Variants in SH3RF2 observed in about 807,000 individuals in gnomAD.
SH3RF2 encodes the protein SH3 domain containing ring finger 2.
In SH3RF2, 43 loss-of-function variants were observed where a neutral mutation model predicts 59.0. The ratio of observed to expected loss-of-function variants is 0.73; its 90% CI spans 0.57 to 0.94. The LOEUF (loss-of-function observed/expected upper bound fraction) is 0.94. Ranked by LOEUF, SH3RF2 falls within the 40% of genes least tolerant of loss-of-function variation. The probability of loss-of-function intolerance (pLI) is 0.00; values close to 1 mark genes in which losing one functional copy is unlikely to be tolerated. For synonymous variants in SH3RF2, 391 were observed against 391.5 expected, an observed-to-expected ratio of 1.00 and a Z score of 0.01; for missense variants, 930 against 940.1, an observed-to-expected ratio of 0.99 and a Z score of 0.14.
exon 10 of SH3RF2, chr5:146,080,949 C>A (rs533656754): frequency 1.2e-4 from 19 of 152,318 alleles, no homozygotes; most frequent in African/African-American, 4.1e-4. Context: ...CAGGTGCGTG[C>A]CACCTTGCCC....
intron 5 of SH3RF2, among the ~76,000 whole-genome samples, chr5:146,039,400 C>T (rs921679537): frequency 6.7e-6 from 1 of 150,194 alleles, no homozygotes. Flanking sequence ...TAATTTAATA[C>T]AAAAATAATA....
intron 2 of SH3RF2, among the ~76,000 whole-genome samples, chr5:145,982,217 A>T (rs1759531779): frequency 6.6e-6 from 1 of 152,142 alleles, no homozygotes; most frequent in Non-Finnish European, 1.5e-5. Context: ...GCTAATCCAT[A>T]AGGCTCAGTC....
chr5:145,997,909 C>G, intron 2 of SH3RF2: 1 of 865,874 alleles, frequency 1.2e-6, no homozygotes, highest in Non-Finnish European at 2.0e-6. Context: ...AACACCAAAT[C>G]AGAATCCACC....
intron 5 of SH3RF2, among the ~76,000 whole-genome samples, chr5:146,031,035 C>T (rs138436710): frequency 6.6e-6 from 1 of 152,286 alleles, no homozygotes; most frequent in African/African-American, 2.4e-5. Flanking sequence ...AAAGCAAACA[C>T]CCTCCTCTGG....
chr5:146,064,615 G>GA (rs1763007079), downstream of SH3RF2, among the ~76,000 whole-genome samples: 5 of 99,946 alleles, frequency 5.0e-5, no homozygotes, highest in African/African-American at 1.9e-4. Flanking sequence ...GAGAGAGAGA[G>GA]GGAGAGAGAG....
At chr5:145,958,622 C>T (rs1388165022) in intron 2 of SH3RF2, among the ~76,000 whole-genome samples, 1 of 152,208 alleles carries the variant, frequency 6.6e-6, no homozygotes, top group Non-Finnish European at 1.5e-5. Context: ...CCGATATCTT[C>T]TTATACAAAT....
chr5:146,076,145 TCCTTATTA>T (rs1214317956), intron 9 of SH3RF2, among the ~76,000 whole-genome samples: 4 of 152,176 alleles, frequency 2.6e-5, no homozygotes, highest in Non-Finnish European at 1.5e-5. Context: ...GGCAGTTACT[TCCTTATTA>T]CTTCCCTGCC....
At chr5:145,946,385 T>C (rs908146309) in intron 2 of SH3RF2, among the ~76,000 whole-genome samples, 1 of 152,174 alleles carries the variant, frequency 6.6e-6, no homozygotes, top group East Asian at 1.9e-4. Context: ...ATATTAGGAA[T>C]TTTTTTTAAT....
At chr5:145,996,966 G>C (rs1760182820) in intron 2 of SH3RF2, among the ~76,000 whole-genome samples, 1 of 152,164 alleles carries the variant, frequency 6.6e-6, no homozygotes. Flanking sequence ...TTAGCACATA[G>C]GAAGTGCTCG....
chr5:145,975,243 TC>T, intron 2 of SH3RF2, among the ~76,000 whole-genome samples: 1 of 152,298 alleles, frequency 6.6e-6, no homozygotes, highest in South Asian at 2.1e-4. Context: ...GAGCTCAGTT[TC>T]CCAATAGCCA....
intron 2 of SH3RF2, among the ~76,000 whole-genome samples, chr5:145,956,038 C>G (rs1018167547): frequency 6.6e-6 from 1 of 152,140 alleles, no homozygotes. Flanking sequence ...TAGACCAGAA[C>G]TTCCCAAAAT....
chr5:146,016,400 ATG>A (rs1388562269), intron 5 of SH3RF2, among the ~76,000 whole-genome samples: 3 of 151,742 alleles, frequency 2.0e-5, no homozygotes, highest in African/African-American at 7.3e-5. Flanking sequence ...GGATGGATGG[ATG>A]GATAGATGAT....
intron 2 of SH3RF2, among the ~76,000 whole-genome samples, chr5:145,963,646 A>C (rs1310114553): frequency 6.6e-6 from 1 of 152,142 alleles, no homozygotes; most frequent in African/African-American, 2.4e-5. Context: ...CTCTCCTGTC[A>C]GGCTGATTAG....
At chr5:145,997,431 G>C (rs1373540983) in intron 2 of SH3RF2, 1 of 1,401,004 alleles carries the variant, frequency 7.1e-7, no homozygotes, top group African/African-American at 1.4e-5. Flanking sequence ...TCATTATACT[G>C]GCTGGTGCAA....
intron 2 of SH3RF2, among the ~76,000 whole-genome samples, chr5:145,959,615 A>ATGTG (rs35295719): frequency 0.024 from 3,448 of 145,486 alleles, 51 homozygotes; most frequent in South Asian, 0.043. Context: ...CTATATATAT[A>ATGTG]TGTGTGTGTG....
chr5:146,041,938 T>A (rs2150010778), intron 5 of SH3RF2, among the ~76,000 whole-genome samples: 1 of 151,980 alleles, frequency 6.6e-6, no homozygotes, highest in South Asian at 2.1e-4. Flanking sequence ...CTCAAAAAAA[T>A]AAAAAATAAA....
At chr5:145,998,150 T>C in intron 2 of SH3RF2, 2 of 434,046 alleles carry the variant, frequency 4.6e-6, no homozygotes, top group Middle Eastern at 6.2e-4. Context: ...TCTCCAAATG[T>C]GCAATTTGAT....
chr5:145,986,131 TA>T (rs1759695831), intron 2 of SH3RF2, among the ~76,000 whole-genome samples: 1 of 152,198 alleles, frequency 6.6e-6, no homozygotes, highest in Admixed American at 6.5e-5. Flanking sequence ...AGAGGTTCAG[TA>T]CCTCATTCAA....
chr5:146,036,176 C>T (rs1033698577), intron 5 of SH3RF2, among the ~76,000 whole-genome samples: 13 of 152,130 alleles, frequency 8.5e-5, no homozygotes, highest in African/African-American at 2.9e-4. Flanking sequence ...CCTAAGAGTA[C>T]CCATCCCATC....
Sources: allele counts gnomAD v4.1 joint callset (sites outside exome capture counted in the v4.1 genomes callset), GRCh38; gene constraint gnomAD v4.1.1; transcripts MANE v1.5; gene names NCBI Gene and HGNC (gene_info 2026-07-23, HGNC 2026-07-21).